The following RAB11FIP4 variants were observed in gnomAD, a reference collection of about 807,000 sequenced individuals.
RAB11FIP4 encodes RAB11 family interacting protein 4.
In RAB11FIP4, 23 loss-of-function variants were observed where a neutral mutation model predicts 74.3. The ratio of observed to expected loss-of-function variants is 0.31; its 90% CI spans 0.22 to 0.44. The LOEUF is 0.44. Among genes scored for constraint, RAB11FIP4 ranks in the 20% least tolerant of loss-of-function variants. The pLI is 1.00. For synonymous variants in RAB11FIP4, 360 were observed against 359.9 expected (o/e 1.00, Z 0.00); for missense variants, 630 against 863.9 (o/e 0.73, Z 3.39).
At chr17:31,492,824 C>CT (rs1405672593) in intron 3 of RAB11FIP4, among the ~76,000 whole-genome samples, 2 of 151,352 alleles carry the variant, frequency 1.3e-5, no homozygotes, top group Admixed American at 6.6e-5. Flanking sequence ...TCCCGAGCGT[C>CT]TTGGTGCTTC....
rs771602359 is a variant in RAB11FIP4, at chr17:31,530,461, C to A, written c.1789C>A (p.Arg597Ser). 1.2e-6 allele frequency: 2 copies of A among 1,613,252 alleles called. No individual in the cohort carries two copies. The highest frequency in any genetic ancestry group is 2.7e-5 in the African/African-American group (2 of 74,916). The change falls in exon 14 of 15, where the codon CGC becomes AGC. Residue 597 changes from arginine to serine, a missense_variant. Arg to Ser is a moderately radical substitution (Grantham distance 110). Transcript: ENST00000621161. ...GGCTGCGGAGATAGACACCGCCTCG[C>A]GCGATGAGGTAACCACACCACCGGC... ...SLAAEIDTAS[R>S]DELMEALKEQ...
intron 3 of RAB11FIP4, among the ~76,000 whole-genome samples, chr17:31,475,493 T>A (rs2071782409): frequency 1.3e-5 from 2 of 152,244 alleles, no homozygotes; most frequent in Admixed American, 1.3e-4. Flanking sequence ...ATTCTTTCAT[T>A]TAACAAGCCA....
intron 1 of RAB11FIP4, among the ~76,000 whole-genome samples, chr17:31,430,419 G>A (rs1389675729): frequency 2.0e-5 from 3 of 148,862 alleles, no homozygotes; most frequent in East Asian, 2.0e-4. Flanking sequence ...GTGCAGTGGC[G>A]TGATCTCAGC....
Position 31,530,342 on chromosome 17 carries a change from G to A in RAB11FIP4, c.1670G>A (p.Arg557Gln), listed in dbSNP as rs767993027. 1.4e-5 allele frequency: 22 copies of A among 1,614,002 alleles called. No individual in the cohort carries two copies. The highest frequency in any genetic ancestry group is 3.3e-5 in the Admixed American group (2 of 60,004). Residue 557 changes from arginine to glutamine, a missense_variant, in exon 14 of 15, where the codon CGG becomes CAG. Arg to Gln is a conservative substitution (Grantham distance 43, BLOSUM62 1). Transcript: ENST00000621161. The part of the protein sequence containing the change: ...KRLKQENYKL[R>Q]DQNDDLNGQI... The stretch of plus-strand genomic sequence containing the variant: ...TCTCTGTAGGAGAATTATAAGCTGC[G>A]GGATCAGAACGACGACTTGAATGGG...
At chr17:31,445,580 T>A (rs9906008) in intron 3 of RAB11FIP4, among the ~76,000 whole-genome samples, 328 of 8,714 alleles carry the variant, frequency 0.038, 2 homozygotes, top group Middle Eastern at 0.071. Context: ...ATATATATAT[T>A]TTTTTTTTTT....
intron 1 of RAB11FIP4, among the ~76,000 whole-genome samples, chr17:31,427,499 G>T (rs184866575): frequency 6.6e-6 from 1 of 152,242 alleles, no homozygotes; most frequent in Non-Finnish European, 1.5e-5. Context: ...TGGACAGCTC[G>T]CCCCACCAGT....
At chr17:31,400,705 T>C (rs1212989547) in intron 1 of RAB11FIP4, among the ~76,000 whole-genome samples, 1 of 152,124 alleles carries the variant, frequency 6.6e-6, no homozygotes, top group African/African-American at 2.4e-5. Context: ...AGAGGAGACT[T>C]TGGAGACAAG....
At chr17:31,488,789 C>G (rs1169511270) in intron 3 of RAB11FIP4, among the ~76,000 whole-genome samples, 1 of 150,710 alleles carries the variant, frequency 6.6e-6, no homozygotes, top group East Asian at 1.9e-4. Context: ...AGCCGAGAAG[C>G]TGCAGTGGTG....
chr17:31,488,102 C>G, intron 3 of RAB11FIP4: 13 of 1,019,320 alleles, frequency 1.3e-5, no homozygotes, highest in Non-Finnish European at 1.5e-5. Flanking sequence ...CGGGGCCGCG[C>G]CTTCCACTGG....
At chr17:31,466,638 C>T (rs1190557235) in intron 3 of RAB11FIP4, among the ~76,000 whole-genome samples, 7 of 152,262 alleles carry the variant, frequency 4.6e-5, no homozygotes, top group Middle Eastern at 3.4e-3. Flanking sequence ...CAGTGCCAAC[C>T]GTGGCTCCGC....
intron 3 of RAB11FIP4, among the ~76,000 whole-genome samples, chr17:31,503,477 G>T (rs1229005446): frequency 6.7e-6 from 1 of 149,942 alleles, no homozygotes; most frequent in Non-Finnish European, 1.5e-5. Flanking sequence ...TTCAAGGGAA[G>T]GGGGAAGAGG....
Position 31,410,292 on chromosome 17 carries a change from C to T in RAB11FIP4, c.159+18281C>T, listed in dbSNP as rs114520092. ...AAGTCCATAAGTCACTGGGATTGTGCGCTTGCTGCTGCCACCACGTGGTCC... is the reference window on the plus strand; with the variant it reads ...AAGTCCATAAGTCACTGGGATTGTGTGCTTGCTGCTGCCACCACGTGGTCC... On this transcript the variant is annotated intron_variant, in intron 1 of 14. Coordinates refer to ENST00000621161, the MANE Select transcript of RAB11FIP4 (RefSeq NM_032932.6). Among the ~76,000 whole-genome samples the T allele has an allele frequency of 6.6e-3, 1,001 of 152,212 alleles. 16 individuals are homozygous for T. Among genetic ancestry groups the T allele is most frequent in the African/African-American group, 0.022 (931 of 41,520 alleles).
intron 3 of RAB11FIP4, among the ~76,000 whole-genome samples, chr17:31,482,934 C>T (rs1467938798): frequency 1.3e-5 from 2 of 152,094 alleles, no homozygotes; most frequent in Non-Finnish European, 2.9e-5. Flanking sequence ...GTGGCTCACA[C>T]CCATAATCCC....
intron 1 of RAB11FIP4, among the ~76,000 whole-genome samples, chr17:31,409,784 A>T (rs2071076483): frequency 6.6e-6 from 1 of 152,092 alleles, no homozygotes; most frequent in South Asian, 2.1e-4. Context: ...GTGTTACTTA[A>T]CCGACTGGGT....
intron 1 of RAB11FIP4, 130 bp downstream of exon 1, chr17:31,392,141 C>G (rs1196840651): frequency 2.7e-6 from 2 of 729,554 alleles, no homozygotes; most frequent in Non-Finnish European, 3.7e-6. Context: ...CTCCCTCCGC[C>G]GGAGCCCAGG....
At chr17:31,484,010 G>A (rs894817594) in intron 3 of RAB11FIP4, among the ~76,000 whole-genome samples, 1 of 151,816 alleles carries the variant, frequency 6.6e-6, no homozygotes, top group African/African-American at 2.4e-5. Flanking sequence ...GGAGTTTGAG[G>A]CTACAGTGAG....
intron 3 of RAB11FIP4, among the ~76,000 whole-genome samples, chr17:31,462,432 G>A (rs1001753248): frequency 2.0e-5 from 3 of 152,094 alleles, no homozygotes; most frequent in Admixed American, 1.3e-4. Flanking sequence ...AGGGTCTGGA[G>A]TATCCGCTTG....
intron 1 of RAB11FIP4, among the ~76,000 whole-genome samples, chr17:31,411,130 G>T (rs754706153): frequency 6.6e-6 from 1 of 152,190 alleles, no homozygotes; most frequent in Non-Finnish European, 1.5e-5. Flanking sequence ...TTGGGAGGCC[G>T]AGGCGGGTGG....
intron 3 of RAB11FIP4, among the ~76,000 whole-genome samples, chr17:31,492,005 A>C (rs1035698480): frequency 6.6e-6 from 1 of 152,202 alleles, no homozygotes; most frequent in Non-Finnish European, 1.5e-5. Context: ...GGCGATGTGC[A>C]TACAGCTGTG....
Sources: gnomAD v4.1 joint callset for allele counts (sites outside exome capture counted in the v4.1 genomes callset) on GRCh38, gnomAD v4.1.1 for gene constraint, MANE v1.5 for transcripts, NCBI Gene and HGNC (gene_info 2026-07-23, HGNC 2026-07-21) for gene names.